NFKBIB: variants seen among roughly 807,000 people sequenced by gnomAD.
NFKBIB encodes the protein NF-kappa-B inhibitor beta.
In NFKBIB, 16 loss-of-function variants were observed where a neutral mutation model predicts 32.1. That is an observed-to-expected ratio of 0.50 (90% CI 0.34 to 0.76). The LOEUF is 0.76. Ranked by LOEUF, NFKBIB falls within the 30% of genes least tolerant of loss-of-function variation. The probability of loss-of-function intolerance (pLI) is 0.01; values close to 1 mark genes in which losing one functional copy is unlikely to be tolerated. For missense variants in NFKBIB, 437 were observed against 514.9 expected (o/e 0.85, Z 1.46); for synonymous variants, 222 against 219.5 (o/e 1.01, Z -0.10).
At chr19:38,907,794 G>A in intron 5 of NFKBIB, 135 bp downstream of exon 5, 2 of 1,450,572 alleles carry the variant, frequency 1.4e-6, no homozygotes, top group Non-Finnish European at 1.8e-6. Flanking sequence ...CAGTGACACG[G>A]GGCACTAGTC....
At position 38,902,076 on chromosome 19, in the gene NFKBIB, A is replaced by ATTTTTT. The variant is rs1444689459; in HGVS notation, c.179+1869_179+1870insTTTTTT. Among the ~76,000 whole-genome samples, 98 of 64,044 alleles carry ATTTTTT rather than the reference A, an allele frequency of 1.5e-3. 2 individuals carry two copies. Among genetic ancestry groups the ATTTTTT allele is most frequent in the South Asian group, 2.6e-3 (4 of 1,512 alleles). The allele number at this position is 64,044 out of a possible 152,430, so 42.0% of individuals were successfully genotyped here. ...CTGCTCCTTCTGTATAGTGTTTTTC[A>ATTTTTT]TTTTATTTCTTTTTTTTTTTTTGAG... On this transcript the variant is annotated intron_variant, in intron 1 of 5. Coordinates refer to ENST00000313582, the MANE Select transcript of NFKBIB (RefSeq NM_002503.5).
chr19:38,906,002 T>C (rs1974105683), intron 3 of NFKBIB, among the ~76,000 whole-genome samples: 8 of 152,066 alleles, frequency 5.3e-5, no homozygotes, highest in Admixed American at 5.2e-4. Flanking sequence ...TCCAAGTTTC[T>C]GCTCCCCTGC....
chr19:38,906,453 A>G (rs1483510106), intron 3 of NFKBIB, among the ~76,000 whole-genome samples: 1 of 120,284 alleles, frequency 8.3e-6, no homozygotes, highest in African/African-American at 3.2e-5. Context: ...CTGGGCAGGA[A>G]CCTTAATTTA....
intron 5 of NFKBIB, chr19:38,907,959 T>C (rs1242945047): frequency 8.1e-7 from 1 of 1,230,762 alleles, no homozygotes; most frequent in Non-Finnish European, 1.0e-6. Context: ...GCGCTGGGGG[T>C]GATTTTAGGC....
chr19:38,906,570 C>A (rs1186279462), intron 3 of NFKBIB, among the ~76,000 whole-genome samples: 2 of 147,342 alleles, frequency 1.4e-5, no homozygotes, highest in Non-Finnish European at 3.0e-5. Flanking sequence ...CCTGGGTTCA[C>A]ACCATTCTCC....
At chr19:38,903,380 T>C (rs767033449) in intron 1 of NFKBIB, among the ~76,000 whole-genome samples, 3 of 152,040 alleles carry the variant, frequency 2.0e-5, no homozygotes, top group Non-Finnish European at 2.9e-5. Flanking sequence ...ATTTCTCAGG[T>C]TCAAATGATT....
At chr19:38,901,453 C>G (rs938580092) in intron 1 of NFKBIB, among the ~76,000 whole-genome samples, 2 of 151,780 alleles carry the variant, frequency 1.3e-5, no homozygotes, top group Non-Finnish European at 1.5e-5. Flanking sequence ...TGCCACCATG[C>G]CTGGCAAATT....
intron 1 of NFKBIB, among the ~76,000 whole-genome samples, chr19:38,901,722 A>C (rs1973972218): frequency 6.6e-6 from 1 of 152,008 alleles, no homozygotes; most frequent in African/African-American, 2.4e-5. Context: ...CAAACTCCTG[A>C]CCTCAGGTGA....
intron 3 of NFKBIB, among the ~76,000 whole-genome samples, chr19:38,906,615 G>A (rs539499302): frequency 1.3e-5 from 2 of 151,262 alleles, no homozygotes; most frequent in East Asian, 2.0e-4. Flanking sequence ...GACTACAGGC[G>A]CCCGCCACCA....
Position 38,905,746 on chromosome 19 carries a change from G to T in NFKBIB, c.619+211G>T, listed in dbSNP as rs1037661368. Among the ~76,000 whole-genome samples, 1 of 152,146 alleles carries T rather than the reference G, an allele frequency of 6.6e-6. No individual in the cohort carries two copies. The highest frequency in any genetic ancestry group is 2.4e-5 in the African/African-American group (1 of 41,424). On this transcript the variant is annotated intron_variant, in intron 3 of 5. Transcript: ENST00000313582. This position sits in a 1 kb window ranked among gnomAD's most constrained non-coding sequence, Gnocchi z 5.5. ...CCAGGACCCCCACCTGGAGGCCCCA[G>T]GTCACTTGGGATGCAGACCTGTCAC... is the stretch of plus-strand genomic sequence containing the variant.
intron 5 of NFKBIB, chr19:38,907,965 T>C: frequency 8.3e-7 from 1 of 1,209,984 alleles, no homozygotes; most frequent in South Asian, 3.0e-5. Context: ...GGGGTGATTT[T>C]AGGCAGCAAG....
rs143280013 is a variant in NFKBIB, at chr19:38,905,271, G to A, written c.355G>A (p.Gly119Arg). 50 of 1,598,176 alleles carry A rather than the reference G, an allele frequency of 3.1e-5. No homozygotes were observed. The African/African-American group carries it at 3.3e-4, about 11-fold the overall frequency. Reference protein sequence around the residue: ...TVEKLYAAGAGLCVAERRGHT... With the variant: ...TVEKLYAAGARLCVAERRGHT... ...GGAGAAGCTGTACGCAGCAGGCGCC[G>A]GGCTGTGTGTGGCGGAGCGTAGGGG... The change falls in exon 3 of 6, where the codon GGG (glycine) becomes AGG (arginine). Residue 119 changes from glycine (G) to arginine (R), a missense_variant. Gly to Arg is a moderately radical substitution (Grantham distance 125, BLOSUM62 -2). Coordinates refer to ENST00000313582, the MANE Select transcript of NFKBIB (RefSeq NM_002503.5). The surrounding 1 kb of genome is among the most constrained non-coding windows in gnomAD (Gnocchi z 5.5).
chr19:38,908,102 C>T (rs796671131), intron 5 of NFKBIB: 6 of 1,016,114 alleles, frequency 5.9e-6, no homozygotes, highest in Middle Eastern at 4.9e-4. Context: ...AATACAGATC[C>T]GTCCTTGGGC....
intron 1 of NFKBIB, among the ~76,000 whole-genome samples, chr19:38,903,835 C>A (rs1226893565): frequency 6.6e-6 from 1 of 151,904 alleles, no homozygotes; most frequent in African/African-American, 2.4e-5. Flanking sequence ...CTTTGGGAGG[C>A]CAAGGCGGGT....
chr19:38,906,732 G>A (rs1974137418), intron 3 of NFKBIB, among the ~76,000 whole-genome samples: 1 of 152,112 alleles, frequency 6.6e-6, no homozygotes, highest in Admixed American at 6.5e-5. Flanking sequence ...GCCTCCCAAA[G>A]TGCTGGGATT....
Position 38,908,535 on chromosome 19 carries a change from T to C in NFKBIB, c.970-196T>C, listed in dbSNP as rs1469561800. On this transcript the variant is annotated intron_variant, in intron 5 of 5. Coordinates refer to ENST00000313582, the MANE Select transcript of NFKBIB (RefSeq NM_002503.5). ...GCCTGGGCAACAGAGCGAGACTCCA[T>C]CTTAAAAAAAAAAAAAAAAAAAAGA... is the stretch of plus-strand genomic sequence containing the variant. 25 of 1,190,976 alleles carry C rather than the reference T, an allele frequency of 2.1e-5. No homozygotes were observed. The Admixed American group carries it at 2.6e-4, about 12-fold the overall frequency. The allele number at this position is 1,190,976 out of a possible 1,614,324, so 73.8% of individuals were successfully genotyped here. A position where few individuals can be genotyped will look rare whatever the true frequency, so the allele number is the denominator to read the frequency against.
chr19:38,899,683 A>C, upstream of NFKBIB: 1 of 1,003,728 alleles, frequency 1.0e-6, no homozygotes, highest in Non-Finnish European at 1.5e-6. Flanking sequence ...TACAACTCTC[A>C]GCAGACATTG....
At position 38,905,226 on chromosome 19, in the gene NFKBIB, C is replaced by T. The variant is rs577598959; in HGVS notation, c.310C>T (p.Leu104=). ...GACAGCCCTGCACCTGGCAGCCATCCTGGGGGAGACATCCACGGTGGAGAA... is the reference window on the plus strand; with the variant it reads ...GACAGCCCTGCACCTGGCAGCCATCTTGGGGGAGACATCCACGGTGGAGAA... ...GQTALHLAAI[L]GETSTVEKLY... The change falls in exon 3 of 6, where the codon CTG becomes TTG. Residue 104 remains leucine, a synonymous_variant. Coordinates refer to ENST00000313582, the MANE Select transcript of NFKBIB (RefSeq NM_002503.5). The surrounding 1 kb of genome is among the most constrained non-coding windows in gnomAD (Gnocchi z 5.5). 1.9e-6 allele frequency: 3 copies of T among 1,590,038 alleles called. No individual in the cohort carries two copies. The Admixed American group carries it at 5.2e-5, about 28-fold the overall frequency.
In NFKBIB at chr19:38,907,115, C is replaced by T. The variant is rs1974152523; in HGVS notation, c.620-106C>T. 4 of 1,044,872 alleles carry T rather than the reference C, an allele frequency of 3.8e-6. No homozygotes were observed. The African/African-American group carries it at 6.4e-5, about 17-fold the overall frequency. The allele number at this position is 1,044,872 out of a possible 1,614,324, so 64.7% of individuals were successfully genotyped here. On this transcript the variant is annotated intron_variant, in intron 3 of 5. Transcript: ENST00000313582. Reference sequence around the variant, plus strand: ...ACCCAAGAATTCAGGAACCAGCCCCCAAACCTAATCACCCTCACGCCACAT... The same window carrying T: ...ACCCAAGAATTCAGGAACCAGCCCCTAAACCTAATCACCCTCACGCCACAT...
Sources: gnomAD v4.1 joint callset for allele counts (sites outside exome capture counted in the v4.1 genomes callset) on GRCh38, gnomAD v4.1.1 for gene constraint, Gnocchi (gnomAD v3.1) non-coding constraint, MANE v1.5 for transcripts, NCBI Gene and HGNC (gene_info 2026-07-23, HGNC 2026-07-21) for gene names.